The following PCDH9 variants were observed in gnomAD, a reference collection of about 807,000 sequenced individuals.
PCDH9 encodes the protein protocadherin-9.
A neutral mutation model predicts 70.6 loss-of-function variants in PCDH9; 24 were observed. The ratio of observed to expected loss-of-function variants is 0.34; its 90% CI spans 0.25 to 0.48. PCDH9 has a LOEUF of 0.48. PCDH9 is among the 20% of genes least tolerant of loss of function. The pLI, the probability that PCDH9 is intolerant of heterozygous loss-of-function variation, is 0.99. For missense variants in PCDH9, 1,281 were observed against 1,503.6 expected, an observed-to-expected ratio of 0.85 and a Z score of 2.45; for synonymous variants, 562 against 558.5, an observed-to-expected ratio of 1.01 and a Z score of -0.09.
At chr13:67,126,358 A>G (rs1438431279) in intron 2 of PCDH9, among the ~76,000 whole-genome samples, 1 of 152,172 alleles carries the variant, frequency 6.6e-6, no homozygotes, top group Non-Finnish European at 1.5e-5. Flanking sequence ...TTTTTTAAAG[A>G]TTGAATTTGT....
chr13:66,574,249 T>C (rs1281233764), intron 4 of PCDH9, among the ~76,000 whole-genome samples: 2 of 152,166 alleles, frequency 1.3e-5, no homozygotes, highest in African/African-American at 4.8e-5. Context: ...GTCAATTTAT[T>C]GTAAGCTCTA....
At chr13:66,808,133 A>T (rs75308683) in intron 3 of PCDH9, among the ~76,000 whole-genome samples, 2,361 of 152,310 alleles carry the variant, frequency 0.016, 74 homozygotes, top group African/African-American at 0.053. Context: ...TTACTATCTA[A>T]TAACAAAAAA....
intron 4 of PCDH9, among the ~76,000 whole-genome samples, chr13:66,561,600 G>A (rs899354532): frequency 1.6e-4 from 24 of 152,264 alleles, no homozygotes; most frequent in Non-Finnish European, 1.9e-4. Flanking sequence ...AGCACCCTGT[G>A]TCTAGGTCAG....
intron 3 of PCDH9, among the ~76,000 whole-genome samples, chr13:66,788,233 G>GCC (rs1170036108): frequency 6.6e-6 from 1 of 152,108 alleles, no homozygotes; most frequent in African/African-American, 2.4e-5. Context: ...TCTTCCTTAA[G>GCC]CCCTTTTTAT....
chr13:67,123,146 A>G (rs2086909297), intron 2 of PCDH9, among the ~76,000 whole-genome samples: 1 of 152,214 alleles, frequency 6.6e-6, no homozygotes, highest in African/African-American at 2.4e-5. Flanking sequence ...TAGGCATGTT[A>G]TAGCAAATAC....
At chr13:66,993,488 G>C (rs539278230) in intron 2 of PCDH9, among the ~76,000 whole-genome samples, 3 of 152,158 alleles carry the variant, frequency 2.0e-5, no homozygotes, top group African/African-American at 7.2e-5. Flanking sequence ...TACTTTGAAG[G>C]GACAGGGAAT....
chr13:66,580,498 T>G (rs1205730582), intron 4 of PCDH9, among the ~76,000 whole-genome samples: 3 of 151,962 alleles, frequency 2.0e-5, no homozygotes, highest in Non-Finnish European at 4.4e-5. Context: ...TATTGTCAAA[T>G]GCTAAGAAAT....
chr13:66,320,281 A>C (rs1955730545), intron 4 of PCDH9, among the ~76,000 whole-genome samples: 2 of 152,036 alleles, frequency 1.3e-5, no homozygotes, highest in Admixed American at 6.6e-5. Context: ...AAAGTATGTT[A>C]AGTAATTCCT....
chr13:67,000,560 T>C (rs2139818889), intron 2 of PCDH9, among the ~76,000 whole-genome samples: 1 of 151,992 alleles, frequency 6.6e-6, no homozygotes, highest in Admixed American at 6.5e-5. Flanking sequence ...AGTTGGAGGA[T>C]ACAAAATAAA....
intron 4 of PCDH9, among the ~76,000 whole-genome samples, chr13:66,468,880 T>C (rs1958563582): frequency 6.6e-6 from 1 of 152,112 alleles, no homozygotes; most frequent in Non-Finnish European, 1.5e-5. Context: ...TACAGTCATG[T>C]CCACAAAGAT....
intron 2 of PCDH9, among the ~76,000 whole-genome samples, chr13:67,195,651 T>C (rs1177269511): frequency 6.6e-6 from 1 of 152,162 alleles, no homozygotes; most frequent in Non-Finnish European, 1.5e-5. Flanking sequence ...AAGAATGAAT[T>C]ATTATATTTT....
chr13:66,605,720 A>C (rs1410398432), intron 4 of PCDH9, among the ~76,000 whole-genome samples: 1 of 152,140 alleles, frequency 6.6e-6, no homozygotes, highest in Non-Finnish European at 1.5e-5. Context: ...CATGTTTTTC[A>C]TACATTATCT....
At chr13:66,329,419 T>C (rs1566244913) in intron 4 of PCDH9, among the ~76,000 whole-genome samples, 1 of 152,232 alleles carries the variant, frequency 6.6e-6, no homozygotes, top group East Asian at 1.9e-4. Context: ...AATTCAAGTA[T>C]ATAATTTCAA....
At chr13:67,102,533 A>AG (rs1462728404) in intron 2 of PCDH9, among the ~76,000 whole-genome samples, 1 of 152,186 alleles carries the variant, frequency 6.6e-6, no homozygotes, top group African/African-American at 2.4e-5. Context: ...ACTTTCAAAT[A>AG]GAAAAAAAAA....
chr13:66,507,706 G>C lies in PCDH9; in HGVS notation c.3340+123504C>G, dbSNP rs199636024. ...CTTGCATTTCCTTTCTTTTTTGTTT[G>C]TTTGTTTGTTTGTTTGTTTGTTTGT... is the stretch of plus-strand genomic sequence containing the variant. On this transcript the variant is annotated intron_variant, in intron 4 of 4. Transcript: ENST00000377865. Among the ~76,000 whole-genome samples, 947 of 134,796 alleles carry C rather than the reference G, an allele frequency of 7.0e-3. 32 individuals carry two copies. In the East Asian group the frequency reaches 0.092, roughly 13 times the overall value. 88.4% of individuals were successfully genotyped at this position (134,796 alleles called of 152,430 possible).
At chr13:66,870,635 A>T (rs1396045706) in intron 3 of PCDH9, among the ~76,000 whole-genome samples, 2 of 152,344 alleles carry the variant, frequency 1.3e-5, no homozygotes, top group Admixed American at 6.5e-5. Flanking sequence ...ACACATGAAA[A>T]AATGCTCATC....
At chr13:66,717,636 C>T (rs2078888980) in intron 3 of PCDH9, among the ~76,000 whole-genome samples, 1 of 151,638 alleles carries the variant, frequency 6.6e-6, no homozygotes, top group South Asian at 2.1e-4. Flanking sequence ...TTTTTGCAGA[C>T]CGCCTTTAAC....
At chr13:66,491,882 A>G (rs1959039537) in intron 4 of PCDH9, among the ~76,000 whole-genome samples, 1 of 152,122 alleles carries the variant, frequency 6.6e-6, no homozygotes, top group Non-Finnish European at 1.5e-5. Context: ...CTGATTCCAC[A>G]TCGCGGGACT....
Position 66,304,490 on chromosome 13 carries a change from C to A in PCDH9, c.*165G>T, listed in dbSNP as rs1360044738. ...AATTGCATGGCTAGAACTATCTTCT[C>A]TCATATGTTGCAAAAACATTGTATT... On this transcript the variant is annotated 3_prime_UTR_variant, in exon 5 of 5. Coordinates refer to ENST00000377865, the MANE Select transcript of PCDH9 (RefSeq NM_203487.3). 1 of 603,018 alleles carries A rather than the reference C, an allele frequency of 1.7e-6. No individual in the cohort carries two copies. The highest frequency in any genetic ancestry group is 2.9e-6 in the Non-Finnish European group (1 of 340,842). The allele number at this position is 603,018 out of a possible 1,614,324, so 37.4% of individuals were successfully genotyped here.
Sources: gnomAD v4.1 joint callset for allele counts (sites outside exome capture counted in the v4.1 genomes callset) on GRCh38, gnomAD v4.1.1 for gene constraint, MANE v1.5 for transcripts, NCBI Gene and HGNC (gene_info 2026-07-23, HGNC 2026-07-21) for gene names.